FANCB: variants seen among roughly 807,000 people sequenced by gnomAD.
FANCB encodes Fanconi anemia group B protein.
A neutral mutation model predicts 38.9 loss-of-function variants in FANCB; 5 were observed. The observed-to-expected ratio is 0.13, with a 90% CI of 0.07 to 0.27. The LOEUF (loss-of-function observed/expected upper bound fraction) is 0.27. Among genes scored for constraint, FANCB ranks in the 10% least tolerant of loss-of-function variants. The pLI is 1.00. For missense variants in FANCB, 573 were observed against 602.7 expected (o/e 0.95, Z 0.52); for synonymous variants, 236 against 215.4 (o/e 1.10, Z -0.84).
downstream of FANCB, among the ~76,000 whole-genome samples, chrX:14,840,230 T>C (rs938618005): frequency 9.0e-5 from 10 of 111,706 alleles, no homozygotes; most frequent in African/African-American, 1.6e-4. Flanking sequence ...GGTACAACAA[T>C]AAAAAATTTG....
chrX:14,761,448 G>A, the FANCB span, among the ~76,000 whole-genome samples: 1 of 111,379 alleles, frequency 9.0e-6, no homozygotes, highest in Non-Finnish European at 1.9e-5. Context: ...AGGCAGGGGG[G>A]TAGAGAAAAG....
chrX:14,789,424 T>G, the FANCB span, among the ~76,000 whole-genome samples: 1 of 111,412 alleles, frequency 9.0e-6, no homozygotes, highest in South Asian at 3.8e-4. Context: ...AAGACCAGCC[T>G]GGCAACATAG....
At chrX:14,777,402 A>C in the FANCB span, among the ~76,000 whole-genome samples, 19 of 112,160 alleles carry the variant, frequency 1.7e-4, no homozygotes, top group African/African-American at 5.5e-4. Context: ...TTATTCTACC[A>C]GTTCAAATTC....
At chrX:14,792,103 A>G in the FANCB span, among the ~76,000 whole-genome samples, 2 of 111,714 alleles carry the variant, frequency 1.8e-5, no homozygotes, top group Non-Finnish European at 3.8e-5. Flanking sequence ...GAATTCACTA[A>G]AAATGTATGA....
chrX:14,706,853 C>T, the FANCB span, among the ~76,000 whole-genome samples: 2 of 111,996 alleles, frequency 1.8e-5, no homozygotes, highest in African/African-American at 3.3e-5. Context: ...CTGGAAAGCA[C>T]AAAATGCTTC....
the FANCB span, among the ~76,000 whole-genome samples, chrX:14,820,966 A>G: frequency 9.0e-6 from 1 of 111,259 alleles, no homozygotes; most frequent in Non-Finnish European, 1.9e-5. Context: ...ATACCCTTCA[A>G]AAAAGGAATT....
chrX:14,730,144 A>T, the FANCB span: 1 of 850,372 alleles, frequency 1.2e-6, no homozygotes, highest in Non-Finnish European at 1.7e-6. Context: ...AAAGAATTTT[A>T]AGCATCTTCC....
At chrX:14,826,261 C>T in the FANCB span, among the ~76,000 whole-genome samples, 1 of 111,817 alleles carries the variant, frequency 8.9e-6, no homozygotes, top group Non-Finnish European at 1.9e-5. Context: ...CATACAGCTG[C>T]TAAAAGGTTG....
chrX:14,703,640 A>C, the FANCB span, among the ~76,000 whole-genome samples: 2 of 111,408 alleles, frequency 1.8e-5, no homozygotes, highest in African/African-American at 6.5e-5. Flanking sequence ...TTCCACTGCA[A>C]CTCTGAGAGC....
the FANCB span, among the ~76,000 whole-genome samples, chrX:14,792,631 T>C: frequency 4.0e-4 from 45 of 112,218 alleles, no homozygotes; most frequent in Non-Finnish European, 7.3e-4. Flanking sequence ...TTTTCACTTA[T>C]AATACTGTAA....
the FANCB span, among the ~76,000 whole-genome samples, chrX:14,768,948 T>C: frequency 8.9e-6 from 1 of 112,172 alleles, no homozygotes; most frequent in African/African-American, 3.2e-5. Context: ...TCTGTTTATG[T>C]GATTAATCAC....
the FANCB span, among the ~76,000 whole-genome samples, chrX:14,718,684 T>TTTA: frequency 8.9e-6 from 1 of 112,042 alleles, no homozygotes; most frequent in Non-Finnish European, 1.9e-5. Flanking sequence ...AGACTAAGAC[T>TTTA]GCTCATCAGA....
the FANCB span, among the ~76,000 whole-genome samples, chrX:14,721,687 T>A: frequency 9.0e-6 from 1 of 111,534 alleles, no homozygotes; most frequent in African/African-American, 3.3e-5. Context: ...AGGCCTGTTC[T>A]GATTTGAGGA....
chrX:14,699,342 C>G, the FANCB span, among the ~76,000 whole-genome samples: 3 of 112,361 alleles, frequency 2.7e-5, no homozygotes, highest in African/African-American at 9.7e-5. Flanking sequence ...GCCCTGACTT[C>G]TTTTTGTTCA....
At chrX:14,868,591 G>A (rs1435300003) in intron 2 of FANCB, among the ~76,000 whole-genome samples, 2 of 111,212 alleles carry the variant, frequency 1.8e-5, no homozygotes, top group Admixed American at 9.6e-5. Flanking sequence ...GGAAAGGAGA[G>A]AGGATGGGAG....
the FANCB span, among the ~76,000 whole-genome samples, chrX:14,803,726 G>T: frequency 9.0e-6 from 1 of 111,055 alleles, no homozygotes; most frequent in African/African-American, 3.3e-5. Context: ...CTGGTTGGGG[G>T]AGGAGCATCA....
At chrX:14,872,497 T>C (rs1295722251) in intron 1 of FANCB, among the ~76,000 whole-genome samples, 1 of 111,196 alleles carries the variant, frequency 9.0e-6, no homozygotes, top group African/African-American at 3.3e-5. Flanking sequence ...AATTTTCATG[T>C]ACACTGGAGG....
chrX:14,730,891 TACACACACACACACACACACACAC>T, the FANCB span: 452 of 97,801 alleles, frequency 4.6e-3, 3 homozygotes, highest in East Asian at 0.019. Flanking sequence ...AAGTTAGCTA[TACACACACACACACACACACACAC>T]ACACACACAC....
the FANCB span, among the ~76,000 whole-genome samples, chrX:14,728,317 C>T: frequency 9.0e-6 from 1 of 111,120 alleles, no homozygotes; most frequent in Non-Finnish European, 1.9e-5. Flanking sequence ...CACTTGAGCC[C>T]AGGAGGTTGA....
Sources: allele counts gnomAD v4.1 joint callset (sites outside exome capture counted in the v4.1 genomes callset), GRCh38; gene constraint gnomAD v4.1.1; transcripts MANE v1.5; gene names NCBI Gene and HGNC (gene_info 2026-07-23, HGNC 2026-07-21).